The following SORCS2 variants were observed in gnomAD, a reference collection of about 807,000 sequenced individuals.
The protein encoded by SORCS2 is sortilin related VPS10 domain containing receptor 2.
In SORCS2, 100 loss-of-function variants were observed where a neutral mutation model predicts 141.6. That is an observed-to-expected ratio of 0.71 (90% confidence interval 0.60 to 0.83). The LOEUF (loss-of-function observed/expected upper bound fraction) is 0.83, where lower values mean the gene tolerates loss of function less well. SORCS2 is among the 40% of genes least tolerant of loss of function. The pLI, the probability that SORCS2 is intolerant of heterozygous loss-of-function variation, is 0.00. For synonymous variants in SORCS2, 789 were observed against 676.9 expected (o/e 1.17, Z -2.57); for missense variants, 1,646 against 1,560.2 (o/e 1.05, Z -0.93).
chr4:7,258,022 G>C (rs1714026935), intron 1 of SORCS2, among the ~76,000 whole-genome samples: 1 of 152,214 alleles, frequency 6.6e-6, no homozygotes, highest in Non-Finnish European at 1.5e-5. Context: ...CCTCTGCTCT[G>C]TCCTCTTCCT....
At chr4:7,209,132 CTTG>C (rs1278449119) in intron 1 of SORCS2, among the ~76,000 whole-genome samples, 1 of 152,228 alleles carries the variant, frequency 6.6e-6, no homozygotes, top group Admixed American at 6.5e-5. Context: ...CTGAACTGGC[CTTG>C]TTGTAGATGG....
chr4:7,342,828 G>A lies in SORCS2; in HGVS notation c.481-53460G>A, dbSNP rs189403834. Reference sequence around the variant, plus strand: ...TGTTAACCCGCAGAGCTGTGAGCAGGCAGATGGGACTAATTTGATCTCTTC... The same window carrying A: ...TGTTAACCCGCAGAGCTGTGAGCAGACAGATGGGACTAATTTGATCTCTTC... On this transcript the variant is annotated intron_variant, in intron 1 of 26. Coordinates refer to ENST00000507866, the MANE Select transcript of SORCS2 (RefSeq NM_020777.3). 9.1e-4 allele frequency among the ~76,000 whole-genome samples: 139 copies of A among 152,340 alleles called. 1 individual carries two copies. The highest frequency in any genetic ancestry group is 6.6e-3 in the South Asian group (32 of 4,826).
chr4:7,244,112 C>A (rs925778936), intron 1 of SORCS2, among the ~76,000 whole-genome samples: 2 of 152,214 alleles, frequency 1.3e-5, no homozygotes, highest in Admixed American at 1.3e-4. Flanking sequence ...AGGGTCCCCA[C>A]TTCTGAAGCA....
chr4:7,283,754 G>C (rs1313316730), intron 1 of SORCS2, among the ~76,000 whole-genome samples: 3 of 152,052 alleles, frequency 2.0e-5, no homozygotes, highest in Non-Finnish European at 4.4e-5. Context: ...AGCAGGAGTT[G>C]GGAGGAGTTG....
intron 2 of SORCS2, among the ~76,000 whole-genome samples, chr4:7,438,281 C>T (rs962129172): frequency 3.9e-5 from 6 of 152,160 alleles, no homozygotes; most frequent in Non-Finnish European, 7.3e-5. Flanking sequence ...TGTAGAATGT[C>T]CCTCTGTGCA....
At chr4:7,367,349 A>G (rs1261100886) in intron 1 of SORCS2, among the ~76,000 whole-genome samples, 1 of 152,202 alleles carries the variant, frequency 6.6e-6, no homozygotes, top group Non-Finnish European at 1.5e-5. Context: ...TTGGACCCTC[A>G]CAGCCTGGGC....
At position 7,655,343 on chromosome 4, in the gene SORCS2, C is replaced by T. The variant is rs544374526; in HGVS notation, c.887+1136C>T. Among the ~76,000 whole-genome samples the T allele has an allele frequency of 1.1e-3, 167 of 152,332 alleles. 1 individual carries two copies. Among genetic ancestry groups the T allele is most frequent in the African/African-American group, 3.6e-3 (150 of 41,566 alleles). ...AAACACACGGAAAGGGCTTCCTACC[C>T]GTCCCGAGGGCTCAGGGCTGGAAGG... On this transcript the variant is annotated intron_variant, in intron 5 of 26. Transcript: ENST00000507866.
Position 7,741,787 on chromosome 4 carries a change from A to C in SORCS2, c.*1523A>C, listed in dbSNP as rs1388782972. On this transcript the variant is annotated 3_prime_UTR_variant, in exon 27 of 27. Transcript: ENST00000507866. ...TGACAGTGCAGACGTTCTCCCATCC[A>C]CCATGTCTGAGCTTGGGGGAATTGC... 1 of 153,022 alleles carries C rather than the reference A, an allele frequency of 6.5e-6. No homozygotes were observed. Among genetic ancestry groups the C allele is most frequent in the Non-Finnish European group, 1.5e-5 (1 of 68,650 alleles). 9.5% of individuals were successfully genotyped at this position (153,022 alleles called of 1,614,324 possible).
intron 2 of SORCS2, among the ~76,000 whole-genome samples, chr4:7,507,058 T>A (rs1256170875): frequency 2.0e-5 from 3 of 152,142 alleles, no homozygotes; most frequent in Non-Finnish European, 4.4e-5. Context: ...ACTGTTAGAG[T>A]TGTGTTTCTG....
In SORCS2 at chr4:7,434,354, G is replaced by A. The variant is rs371714450; in HGVS notation, c.548+37999G>A. 1.8e-4 allele frequency: 283 copies of A among 1,607,942 alleles called. No individual in the cohort carries two copies. The highest frequency in any genetic ancestry group is 1.6e-4 in the Non-Finnish European group (192 of 1,177,654). The stretch of plus-strand genomic sequence containing the variant: ...CACAGAGCTCCTTCAGGCGCCTGGC[G>A]GGGGTGGAAGGTAAGGGGCCCATTG... On this transcript the variant is annotated intron_variant, in intron 2 of 26. Transcript: ENST00000507866.
At chr4:7,476,156 T>C (rs907563584) in intron 2 of SORCS2, among the ~76,000 whole-genome samples, 1 of 152,024 alleles carries the variant, frequency 6.6e-6, no homozygotes, top group Admixed American at 6.6e-5. Context: ...TCATAGGACA[T>C]GGATGGTTAG....
intron 20 of SORCS2, among the ~76,000 whole-genome samples, chr4:7,725,681 C>G (rs867261548): frequency 1.8e-4 from 27 of 152,198 alleles, no homozygotes; most frequent in Middle Eastern, 3.2e-3. Context: ...GGCTCAGAAG[C>G]CTCCCTCAGA....
chr4:7,682,967 GGTGGT>G, intron 10 of SORCS2, 78 bp downstream of exon 10: 1 of 1,517,252 alleles, frequency 6.6e-7, no homozygotes, highest in Non-Finnish European at 8.9e-7. Context: ...GAAGGTCAGA[GGTGGT>G]GATGTCTGAG....
intron 1 of SORCS2, among the ~76,000 whole-genome samples, chr4:7,388,026 A>G (rs1332121201): frequency 6.6e-6 from 1 of 151,144 alleles, no homozygotes; most frequent in African/African-American, 2.4e-5. Flanking sequence ...AGATACACAG[A>G]TACGCACACA....
At chr4:7,482,049 G>A (rs1447137143) in intron 2 of SORCS2, among the ~76,000 whole-genome samples, 9 of 63,978 alleles carry the variant, frequency 1.4e-4, no homozygotes, top group African/African-American at 4.8e-4. Flanking sequence ...CCCTGACGCC[G>A]TTCAGACCTG....
At chr4:7,679,194 C>G (rs116312666) in intron 9 of SORCS2, among the ~76,000 whole-genome samples, 1 of 152,098 alleles carries the variant, frequency 6.6e-6, no homozygotes, top group Non-Finnish European at 1.5e-5. Context: ...GGGTCTCTCC[C>G]CCAGCAGGGC....
intron 2 of SORCS2, among the ~76,000 whole-genome samples, chr4:7,493,650 C>A (rs976339994): frequency 1.5e-4 from 23 of 152,164 alleles, no homozygotes; most frequent in Admixed American, 4.6e-4. Context: ...GAGCTCTGCC[C>A]AGGGTGACCT....
intron 2 of SORCS2, among the ~76,000 whole-genome samples, chr4:7,492,466 T>A (rs975334152): frequency 4.6e-5 from 7 of 152,274 alleles, no homozygotes; most frequent in African/African-American, 1.7e-4. Flanking sequence ...GGGTTCTTCA[T>A]GCATCATCTG....
At chr4:7,423,136 C>A (rs183260924) in intron 2 of SORCS2, among the ~76,000 whole-genome samples, 1 of 152,290 alleles carries the variant, frequency 6.6e-6, no homozygotes, top group Non-Finnish European at 1.5e-5. Flanking sequence ...CACCCATCCA[C>A]GCTAGGGGAA....
Sources: gnomAD v4.1 joint callset for allele counts (sites outside exome capture counted in the v4.1 genomes callset) on GRCh38, gnomAD v4.1.1 for gene constraint, MANE v1.5 for transcripts, NCBI Gene and HGNC (gene_info 2026-07-23, HGNC 2026-07-21) for gene names.